Variants in PCLO observed in about 807,000 individuals in gnomAD.
The protein encoded by PCLO is protein piccolo.
A neutral mutation model predicts 427.5 loss-of-function variants in PCLO; 82 were observed. The ratio of observed to expected loss-of-function variants is 0.19; its 90% CI spans 0.16 to 0.23. PCLO has a LOEUF of 0.23. PCLO is among the 10% of genes least tolerant of loss of function. PCLO has a pLI of 1.00. For missense variants in PCLO, 6,239 were observed against 6,115.9 expected (o/e 1.02, Z -0.67); for synonymous variants, 2,357 against 2,155.4 (o/e 1.09, Z -2.59).
intron 22 of PCLO, among the ~76,000 whole-genome samples, chr7:82,769,078 C>G (rs1790591929): frequency 6.6e-6 from 1 of 152,180 alleles, no homozygotes; most frequent in Non-Finnish European, 1.5e-5. Context: ...GCTCCATTCT[C>G]TCATGGCTAC....
Position 82,950,248 on chromosome 7 carries a change from G to A in PCLO, c.10340C>T (p.Thr3447Met), listed in dbSNP as rs942302843. Residue 3447 changes from threonine (T) to methionine (M), a missense_variant, in exon 6 of 25, where the codon ACG becomes ATG. Around this residue, in one of 5 missense-constraint regions of PCLO, gnomAD observed 4,677 missense variants for 4,468.4 expected, o/e 1.05. Transcript: ENST00000333891. ...CCGATCTGTGGCATCTTCGTCATCC[G>A]TTTGTACACCACTGTCCACTATCTT... Reference protein sequence around the residue: ...FKKIVDSGVQTDDEDATDRSY... With the variant: ...FKKIVDSGVQMDDEDATDRSY... 5.6e-6 allele frequency: 9 copies of A among 1,612,734 alleles called. No homozygotes were observed. The highest frequency in any genetic ancestry group is 4.5e-5 in the East Asian group (2 of 44,828).
intron 6 of PCLO, among the ~76,000 whole-genome samples, chr7:82,919,834 A>G (rs1474060869): frequency 6.6e-6 from 1 of 151,982 alleles, no homozygotes; most frequent in Non-Finnish European, 1.5e-5. Context: ...ATACATAACT[A>G]TTCAATTCAC....
At chr7:83,146,081 G>A (rs1181342253) in intron 2 of PCLO, among the ~76,000 whole-genome samples, 5 of 152,150 alleles carry the variant, frequency 3.3e-5, no homozygotes, top group African/African-American at 7.2e-5. Context: ...AAAGTGCTTC[G>A]TGCACAGTTT....
intron 9 of PCLO, among the ~76,000 whole-genome samples, chr7:82,889,342 G>C (rs1562839362): frequency 6.6e-6 from 1 of 152,016 alleles, no homozygotes; most frequent in African/African-American, 2.4e-5. Flanking sequence ...GGATGCTTAG[G>C]AGACAATTAA....
At chr7:83,160,217 C>A (rs866848354) in intron 1 of PCLO, among the ~76,000 whole-genome samples, 2 of 152,076 alleles carry the variant, frequency 1.3e-5, no homozygotes, top group Admixed American at 6.5e-5. Context: ...TATTTAAAGG[C>A]AAGGAACATG....
intron 3 of PCLO, among the ~76,000 whole-genome samples, chr7:83,034,919 A>G (rs781056953): frequency 5.3e-5 from 8 of 152,172 alleles, no homozygotes; most frequent in Admixed American, 5.2e-4. Context: ...TTTACCTCAA[A>G]TAAGTAAATG....
intron 3 of PCLO, among the ~76,000 whole-genome samples, chr7:83,108,824 C>T (rs1012513444): frequency 6.6e-6 from 1 of 151,860 alleles, no homozygotes; most frequent in Admixed American, 6.6e-5. Context: ...GTAATATGAG[C>T]TCTTTCATTA....
chr7:83,101,017 T>C (rs1448365163), intron 3 of PCLO, among the ~76,000 whole-genome samples: 1 of 152,100 alleles, frequency 6.6e-6, no homozygotes, highest in Non-Finnish European at 1.5e-5. Context: ...TTAGCCATTT[T>C]ATAAACATGA....
intron 6 of PCLO, among the ~76,000 whole-genome samples, chr7:82,939,446 T>C (rs1466888538): frequency 6.6e-6 from 1 of 151,918 alleles, no homozygotes; most frequent in Non-Finnish European, 1.5e-5. Context: ...ATCTCTATTG[T>C]GTTTTGTTTC....
chr7:83,065,804 G>C (rs1226339469), intron 3 of PCLO, among the ~76,000 whole-genome samples: 1 of 152,054 alleles, frequency 6.6e-6, no homozygotes. Context: ...AGTCAGAACA[G>C]CTGTAGTTAT....
intron 3 of PCLO, among the ~76,000 whole-genome samples, chr7:83,053,134 A>C (rs542494020): frequency 1.3e-5 from 2 of 151,996 alleles, no homozygotes; most frequent in African/African-American, 4.8e-5. Context: ...CCCACTTGAA[A>C]TTTACTATAC....
At chr7:82,880,003 A>G (rs763707318) in intron 9 of PCLO, 6 of 314,904 alleles carry the variant, frequency 1.9e-5, no homozygotes, top group African/African-American at 4.5e-5. Flanking sequence ...ACACGATAAA[A>G]TTATTCTTGA....
chr7:83,088,794 C>T (rs1464336462), intron 3 of PCLO, among the ~76,000 whole-genome samples: 1 of 152,124 alleles, frequency 6.6e-6, no homozygotes, highest in African/African-American at 2.4e-5. Context: ...GATGTCCTTA[C>T]CACAGAGAAA....
Position 82,954,541 on chromosome 7 carries a change from T to G in PCLO, c.6412A>C (p.Thr2138Pro). Residue 2138 changes from threonine to proline, a missense_variant, in exon 5 of 25, where the codon ACA becomes CCA. By Grantham distance (38) the Thr-to-Pro change is conservative. This residue lies in a region of PCLO where 4,677 missense variants were observed against 4,468.4 expected (regional missense o/e 1.05). Transcript: ENST00000333891. ...PDVKITQHFS[T>P]EEIEDEYVTD... is the part of the protein sequence containing the mutation. Reference sequence around the variant, plus strand: ...ACATATTCATCCTCAATTTCTTCTGTTGAAAAATGTTGGGTTATTTTAACA... The same window carrying G: ...ACATATTCATCCTCAATTTCTTCTGGTGAAAAATGTTGGGTTATTTTAACA... 1 of 1,613,924 alleles carries G rather than the reference T, an allele frequency of 6.2e-7. No individual in the cohort carries two copies.
rs933403209 is a variant in PCLO at position 82,952,033 on chromosome 7, A to G, written c.8920T>C (p.Tyr2974His). The G allele has an allele frequency of 2.5e-6, 4 of 1,613,838 alleles. No individual in the cohort carries two copies. The African/African-American group carries it at 5.3e-5, about 22-fold the overall frequency. ...EDRFGYRDDH[Y>H]QYDRSGPYGY... ...TATGGCCCTGATCGATCATACTGAT[A>G]GTGGTCATCCCTATAACCAAAACGA... Residue 2974 changes from tyrosine to histidine, a missense_variant, in exon 5 of 25, where the codon TAT (tyrosine) becomes CAT (histidine). This residue lies in a region of PCLO where 4,677 missense variants were observed against 4,468.4 expected (regional missense o/e 1.05). Coordinates refer to ENST00000333891, the MANE Select transcript of PCLO (RefSeq NM_033026.6).
chr7:83,052,698 G>C (rs143389836), intron 3 of PCLO, among the ~76,000 whole-genome samples: 2 of 151,824 alleles, frequency 1.3e-5, no homozygotes, highest in African/African-American at 4.8e-5. Context: ...CCTCTACCTC[G>C]TTGGTTGTTC....
chr7:83,035,389 A>G (rs1788769189), intron 3 of PCLO, among the ~76,000 whole-genome samples: 2 of 152,176 alleles, frequency 1.3e-5, no homozygotes, highest in Non-Finnish European at 2.9e-5. Flanking sequence ...GAAAACTGTT[A>G]TAAATTCAGA....
At position 82,981,754 on chromosome 7, in the gene PCLO, A is replaced by G. The variant is rs917315190; in HGVS notation, c.3301-15267T>C. On this transcript the variant is annotated intron_variant, in intron 3 of 24. Transcript: ENST00000333891. Reference sequence around the variant, plus strand: ...TATTACATTGCTTCATCTTTACGTAATAAGAATAAGCATCTAAGCACGTAA... The same window carrying G: ...TATTACATTGCTTCATCTTTACGTAGTAAGAATAAGCATCTAAGCACGTAA... Among the ~76,000 whole-genome samples the G allele has an allele frequency of 7.2e-5, 11 of 152,262 alleles. No homozygotes were observed. In the East Asian group the frequency reaches 1.5e-3, roughly 21 times the overall value.
At chr7:82,820,267 C>A (rs147794094) in intron 20 of PCLO, among the ~76,000 whole-genome samples, 1 of 152,294 alleles carries the variant, frequency 6.6e-6, no homozygotes, top group East Asian at 1.9e-4. Context: ...TTAATGCAAT[C>A]TCTGATGCTT....
Sources: gnomAD v4.1 joint callset for allele counts (sites outside exome capture counted in the v4.1 genomes callset) on GRCh38, gnomAD v4.1.1 for gene constraint, gnomAD v4.1.1 regional missense constraint, MANE v1.5 for transcripts, NCBI Gene and HGNC (gene_info 2026-07-23, HGNC 2026-07-21) for gene names.